MLIP: variants seen among roughly 807,000 people sequenced by gnomAD.
The protein encoded by MLIP is muscular LMNA interacting protein, also known as muscular LMNA-interacting protein.
Under a neutral mutation model 84.8 loss-of-function variants are expected in MLIP, and 79 were observed. The observed-to-expected ratio is 0.93, with a 90% CI of 0.78 to 1.12. MLIP has a LOEUF of 1.12. Ranked by LOEUF, MLIP falls within the 50% of genes most tolerant of loss-of-function variation. The pLI, the probability that MLIP is intolerant of heterozygous loss-of-function variation, is 0.00. For synonymous variants in MLIP, 504 were observed against 463.0 expected (o/e 1.09, Z -1.14); for missense variants, 1,257 against 1,160.6 (o/e 1.08, Z -1.21).
chr6:54,153,688 T>C (rs922051076), intron 5 of MLIP, among the ~76,000 whole-genome samples: 1 of 151,516 alleles, frequency 6.6e-6, no homozygotes, highest in Non-Finnish European at 1.5e-5. Context: ...TTTCTACTGA[T>C]AATACAAAAA....
At chr6:54,094,970 G>A (rs925880126) in intron 1 of MLIP, among the ~76,000 whole-genome samples, 2 of 152,198 alleles carry the variant, frequency 1.3e-5, no homozygotes, top group East Asian at 3.9e-4. Context: ...CAAACATTTC[G>A]AAAACACTCA....
At chr6:54,071,620 A>C (rs1451340215) in intron 1 of MLIP, among the ~76,000 whole-genome samples, 1 of 152,196 alleles carries the variant, frequency 6.6e-6, no homozygotes, top group Non-Finnish European at 1.5e-5. Context: ...AGTTAATTCA[A>C]AGAAGTTTCA....
chr6:54,099,563 G>C (rs570029276), intron 1 of MLIP: 1 of 152,130 alleles, frequency 6.6e-6, no homozygotes, highest in South Asian at 2.1e-4. Context: ...TGGAATCTAA[G>C]GCTTATAGAT....
rs187638624 is a variant in MLIP, at chr6:54,151,381, T to G, written c.2289+2254T>G. On this transcript the variant is annotated intron_variant, in intron 5 of 13. Transcript: ENST00000502396. ...AGTTTTAAAAAATAAATCTGACAAT[T>G]TAATCATTTATACTCATCTGTTTAT... Among the ~76,000 whole-genome samples the G allele has an allele frequency of 5.9e-5, 9 of 152,298 alleles. No homozygotes were observed. The East Asian group carries it at 1.5e-3, about 26-fold the overall frequency.
At chr6:54,171,009 T>C (rs1183762899) in intron 9 of MLIP, among the ~76,000 whole-genome samples, 3 of 151,512 alleles carry the variant, frequency 2.0e-5, no homozygotes. Flanking sequence ...TTGCTCTCTC[T>C]CCTTCTTCTT....
chr6:54,085,572 G>T (rs961290), intron 1 of MLIP, among the ~76,000 whole-genome samples: 23,674 of 152,146 alleles, frequency 0.16, 2,465 homozygotes, highest in African/African-American at 0.29. Context: ...TTTCTCATTT[G>T]TAGCTAGGCT....
At chr6:54,121,637 A>G in intron 2 of MLIP, 35 bp downstream of exon 2, 1 of 1,444,152 alleles carries the variant, frequency 6.9e-7, no homozygotes, top group Non-Finnish European at 9.3e-7. Flanking sequence ...AATTTCAAAC[A>G]ATTATATTAA....
intron 1 of MLIP, among the ~76,000 whole-genome samples, chr6:54,094,237 A>G (rs988319166): frequency 1.3e-4 from 20 of 151,770 alleles, no homozygotes; most frequent in Non-Finnish European, 4.4e-5. Context: ...TTTCCCTGGT[A>G]TCAAAATTCA....
chr6:54,124,983 T>C (rs1582207453), intron 3 of MLIP, 118 bp downstream of exon 3: 1 of 816,384 alleles, frequency 1.2e-6, no homozygotes, highest in Non-Finnish European at 1.8e-6. Flanking sequence ...AAGAAAAATA[T>C]ATTTAAAAAA....
intron 9 of MLIP, among the ~76,000 whole-genome samples, chr6:54,177,428 A>G (rs1582402457): frequency 6.6e-6 from 1 of 152,314 alleles, no homozygotes; most frequent in East Asian, 1.9e-4. Context: ...TAGGCAGCCA[A>G]GAAACATGAA....
chr6:54,223,521 T>C (rs768719486), intron 11 of MLIP, among the ~76,000 whole-genome samples: 2 of 152,100 alleles, frequency 1.3e-5, no homozygotes, highest in Non-Finnish European at 2.9e-5. Context: ...CCTTTCACCT[T>C]GTCAAAGATT....
chr6:54,141,784 G>A (rs916721289), intron 4 of MLIP, among the ~76,000 whole-genome samples: 2 of 152,062 alleles, frequency 1.3e-5, no homozygotes, highest in Non-Finnish European at 2.9e-5. Context: ...TGGAAATTAG[G>A]GTAAGCATTT....
chr6:54,215,066 CT>C (rs1376109878), intron 11 of MLIP: 4 of 1,113,906 alleles, frequency 3.6e-6, no homozygotes, highest in Non-Finnish European at 5.2e-6. Context: ...TGGTCTCTGC[CT>C]TTTTGCTCCT....
chr6:54,143,970 A>G (rs563849951), intron 4 of MLIP, among the ~76,000 whole-genome samples: 1 of 152,300 alleles, frequency 6.6e-6, no homozygotes, highest in Admixed American at 6.5e-5. Context: ...AGGAATGAAA[A>G]GATAAATGAG....
chr6:54,035,592 ATGAG>A (rs1561881348), intron 1 of MLIP, among the ~76,000 whole-genome samples: 1 of 152,060 alleles, frequency 6.6e-6, no homozygotes, highest in South Asian at 2.1e-4. Context: ...TCAGCAATGT[ATGAG>A]TGTCACAGTT....
intron 1 of MLIP, among the ~76,000 whole-genome samples, chr6:54,119,577 T>C (rs959055003): frequency 4.6e-5 from 7 of 152,194 alleles, no homozygotes; most frequent in Admixed American, 6.5e-5. Context: ...GGTCAAAATA[T>C]ATATAATTAC....
exon 1 of MLIP, chr6:54,019,019 C>G (rs754529301): frequency 6.2e-7 from 1 of 1,603,286 alleles, no homozygotes; most frequent in South Asian, 1.1e-5. Flanking sequence ...CTTTCTCATT[C>G]TCTTTCAATA....
In MLIP at chr6:54,265,933, A is replaced by T; in HGVS notation, c.2977-17A>T. On this transcript the variant is annotated splice_polypyrimidine_tract_variant and intron_variant, in intron 13 of 13. Coordinates refer to ENST00000502396, the MANE Select transcript of MLIP (RefSeq NM_001281747.2). Reference sequence around the variant, plus strand: ...TTATTCATCTTAACCTGACTACCATATTCTCTTATTTTACAGCAATGAAGT... The same window carrying T: ...TTATTCATCTTAACCTGACTACCATTTTCTCTTATTTTACAGCAATGAAGT... 1 of 1,609,758 alleles carries T rather than the reference A, an allele frequency of 6.2e-7. No individual in the cohort carries two copies. The highest frequency in any genetic ancestry group is 8.5e-7 in the Non-Finnish European group (1 of 1,177,608).
At chr6:54,169,208 A>G (rs1255207290) in intron 8 of MLIP, among the ~76,000 whole-genome samples, 2 of 151,730 alleles carry the variant, frequency 1.3e-5, no homozygotes, top group African/African-American at 4.8e-5. Flanking sequence ...GGAGCTCAAA[A>G]AATGGAAAAG....
Sources: gnomAD v4.1 joint callset for allele counts (sites outside exome capture counted in the v4.1 genomes callset) on GRCh38, gnomAD v4.1.1 for gene constraint, MANE v1.5 for transcripts, NCBI Gene and HGNC (gene_info 2026-07-23, HGNC 2026-07-21) for gene names.